Variants in NRG1 observed in about 807,000 individuals in gnomAD.
NRG1 encodes pro-neuregulin-1, membrane-bound isoform.
In NRG1, 18 loss-of-function variants were observed where a neutral mutation model predicts 63.8. The ratio of observed to expected loss-of-function variants is 0.28; its 90% confidence interval spans 0.19 to 0.42. NRG1 has a LOEUF of 0.42. Among genes scored for constraint, NRG1 ranks in the 10% least tolerant of loss-of-function variants. NRG1 has a pLI of 1.00. For missense variants in NRG1, 762 were observed against 814.7 expected (o/e 0.94, Z 0.79); for synonymous variants, 302 against 301.3 (o/e 1.00, Z -0.02).
upstream of NRG1, among the ~76,000 whole-genome samples, chr8:32,546,613 C>T (rs1303326902): frequency 6.6e-6 from 1 of 152,174 alleles, no homozygotes; most frequent in Admixed American, 6.5e-5. Flanking sequence ...GAGATATATT[C>T]ATCATCTTTT....
At chr8:32,513,769 G>T (rs1354607152) in intron 1 of NRG1, among the ~76,000 whole-genome samples, 1 of 152,048 alleles carries the variant, frequency 6.6e-6, no homozygotes, top group East Asian at 1.9e-4. Flanking sequence ...AAATAATCTG[G>T]CTGATCTTTG....
intron 1 of NRG1, among the ~76,000 whole-genome samples, chr8:31,928,289 A>T (rs376796027): frequency 7.0e-6 from 1 of 143,182 alleles, no homozygotes; most frequent in South Asian, 2.2e-4. Context: ...ATACCACCTT[A>T]CCCCCCAGCC....
chr8:31,737,005 C>T (rs1012023145), intron 1 of NRG1, among the ~76,000 whole-genome samples: 4 of 152,072 alleles, frequency 2.6e-5, no homozygotes, highest in South Asian at 2.1e-4. Context: ...TCTTTCCAGT[C>T]GCAGACATCA....
intron 8 of NRG1, among the ~76,000 whole-genome samples, chr8:32,755,063 G>T (rs558927607): frequency 2.8e-4 from 42 of 152,232 alleles, no homozygotes; most frequent in Non-Finnish European, 4.4e-4. Context: ...TAATTAGGTT[G>T]CCAGTATGAA....
chr8:32,447,530 CT>C (rs1219472478), intron 1 of NRG1, among the ~76,000 whole-genome samples: 1 of 152,016 alleles, frequency 6.6e-6, no homozygotes, highest in Non-Finnish European at 1.5e-5. Context: ...ATGTTTTATT[CT>C]ATTATATTCT....
chr8:31,639,336 C>G, exon 1 of NRG1: 2 of 1,530,088 alleles, frequency 1.3e-6, no homozygotes, highest in Non-Finnish European at 1.7e-6. Flanking sequence ...AGGAGGCGCG[C>G]GGGGACGGGG....
intron 1 of NRG1, among the ~76,000 whole-genome samples, chr8:32,241,769 T>C (rs1298525278): frequency 6.6e-6 from 1 of 152,068 alleles, no homozygotes; most frequent in Non-Finnish European, 1.5e-5. Context: ...TTTTTTTTTT[T>C]TGAGACGGCG....
rs576324597 is a variant in NRG1, at chr8:32,560,299, A to T, written c.100+11473A>T. 2.0e-5 allele frequency among the ~76,000 whole-genome samples: 3 copies of T among 152,304 alleles called. No homozygotes were observed. The South Asian group carries it at 6.2e-4, about 32-fold the overall frequency. ...TGGCACTCATGTATTTTAATTAAAAAAAATAAATAAACCATTGTCCTCAGC... is the reference window on the plus strand; with the variant it reads ...TGGCACTCATGTATTTTAATTAAAATAAATAAATAAACCATTGTCCTCAGC... On this transcript the variant is annotated intron_variant, in intron 1 of 11. Transcript: ENST00000356819.
chr8:31,884,705 G>C (rs1830591723), intron 1 of NRG1, among the ~76,000 whole-genome samples: 4 of 152,244 alleles, frequency 2.6e-5, no homozygotes, highest in Admixed American at 2.0e-4. Context: ...TAGCATAACA[G>C]TTAAATCATT....
intron 1 of NRG1, among the ~76,000 whole-genome samples, chr8:32,196,896 T>A (rs1387751627): frequency 6.6e-6 from 1 of 150,734 alleles, no homozygotes; most frequent in Non-Finnish European, 1.5e-5. Context: ...CTGCTAGATT[T>A]TATGTTTCTA....
chr8:32,337,741 A>G (rs556381744), intron 1 of NRG1, among the ~76,000 whole-genome samples: 6 of 149,560 alleles, frequency 4.0e-5, no homozygotes, highest in African/African-American at 1.2e-4. Flanking sequence ...TGCTTCTTAC[A>G]TGGTAGTGCT....
chr8:31,857,795 A>G (rs1828065622), intron 1 of NRG1, among the ~76,000 whole-genome samples: 1 of 152,180 alleles, frequency 6.6e-6, no homozygotes, highest in African/African-American at 2.4e-5. Flanking sequence ...CAATTTCCTT[A>G]TTGTAGTTCA....
intron 1 of NRG1, among the ~76,000 whole-genome samples, chr8:32,258,945 C>T (rs773507540): frequency 6.6e-6 from 1 of 152,118 alleles, no homozygotes; most frequent in African/African-American, 2.4e-5. Context: ...TTAGATTGGG[C>T]AATATTAGCA....
At chr8:32,736,090 C>A (rs541025706) in intron 6 of NRG1, among the ~76,000 whole-genome samples, 1 of 151,824 alleles carries the variant, frequency 6.6e-6, no homozygotes. Context: ...ATTACTGGAA[C>A]ATTTTATATT....
At chr8:31,917,807 T>C (rs1263074096) in intron 1 of NRG1, among the ~76,000 whole-genome samples, 4 of 152,218 alleles carry the variant, frequency 2.6e-5, no homozygotes, top group Non-Finnish European at 5.9e-5. Context: ...AGTATGGCCA[T>C]TTTCATGATA....
chr8:32,435,727 C>T (rs752818624), intron 1 of NRG1, among the ~76,000 whole-genome samples: 3 of 152,018 alleles, frequency 2.0e-5, no homozygotes, highest in Non-Finnish European at 4.4e-5. Context: ...AAAATAAAAT[C>T]AAGTTACTTC....
intron 1 of NRG1, among the ~76,000 whole-genome samples, chr8:31,851,036 C>T (rs1827163323): frequency 6.6e-6 from 1 of 152,154 alleles, no homozygotes; most frequent in Non-Finnish European, 1.5e-5. Flanking sequence ...CCTCCTTATA[C>T]ATGAGTGGAA....
At chr8:32,116,871 A>G (rs1400299677) in intron 1 of NRG1, among the ~76,000 whole-genome samples, 3 of 148,976 alleles carry the variant, frequency 2.0e-5, no homozygotes, top group African/African-American at 7.4e-5. Context: ...GGCCAGGTGC[A>G]GTGGTTTGTG....
At chr8:32,760,509 G>A in intron 11 of NRG1, 103 bp downstream of exon 11, 3 of 1,550,118 alleles carry the variant, frequency 1.9e-6, no homozygotes, top group South Asian at 2.4e-5. Flanking sequence ...ATCAGAATAA[G>A]GGGCGGCAGT....
Sources: gnomAD v4.1 joint callset for allele counts (sites outside exome capture counted in the v4.1 genomes callset) on GRCh38, gnomAD v4.1.1 for gene constraint, MANE v1.5 for transcripts, NCBI Gene and HGNC (gene_info 2026-07-23, HGNC 2026-07-21) for gene names.